Variants in SMIM10L3 observed in about 807,000 individuals in gnomAD.
SMIM10L3 encodes the protein salivary gland specific protein SAGSIN1.
chr7:6,333,958 T>G, the SMIM10L3 span, among the ~76,000 whole-genome samples: 1 of 149,472 alleles, frequency 6.7e-6, no homozygotes, highest in Non-Finnish European at 1.5e-5. Context: ...GCCATTCTCC[T>G]GCCTCAGCCT....
At chr7:6,346,745 T>C in the SMIM10L3 span, among the ~76,000 whole-genome samples, 2 of 152,168 alleles carry the variant, frequency 1.3e-5, no homozygotes, top group Middle Eastern at 3.2e-3. Flanking sequence ...CCATCACCTG[T>C]GTCAGGCACC....
the SMIM10L3 span, among the ~76,000 whole-genome samples, chr7:6,346,873 G>A: frequency 2.0e-4 from 31 of 152,280 alleles, no homozygotes; most frequent in African/African-American, 6.7e-4. Flanking sequence ...CATTCTGCAC[G>A]CCAGGGAGCA....
the SMIM10L3 span, among the ~76,000 whole-genome samples, chr7:6,337,938 G>A: frequency 6.6e-6 from 1 of 151,522 alleles, no homozygotes; most frequent in Non-Finnish European, 1.5e-5. Flanking sequence ...CAAGTAGCTG[G>A]TACTACAGGC....
At chr7:6,338,666 C>G in the SMIM10L3 span, 1 of 152,350 alleles carries the variant, frequency 6.6e-6, no homozygotes, top group Non-Finnish European at 1.5e-5. Context: ...TCGCAGATCC[C>G]TGCCCAGCTG....
At chr7:6,348,595 A>T in the SMIM10L3 span, 1 of 451,626 alleles carries the variant, frequency 2.2e-6, no homozygotes. Context: ...GTTGAGCATC[A>T]TGGAAGCCAC....
the SMIM10L3 span, chr7:6,348,739 C>A: frequency 2.4e-6 from 1 of 411,244 alleles, no homozygotes; most frequent in Non-Finnish European, 4.3e-6. Context: ...GACAGCCAGG[C>A]CCGACAGAGC....
the SMIM10L3 span, among the ~76,000 whole-genome samples, chr7:6,347,382 G>A: frequency 6.6e-5 from 10 of 152,146 alleles, no homozygotes; most frequent in African/African-American, 1.4e-4. Context: ...CTGGCGTGGT[G>A]GCGGGCACCT....
At chr7:6,346,898 C>G in the SMIM10L3 span, among the ~76,000 whole-genome samples, 1 of 152,144 alleles carries the variant, frequency 6.6e-6, no homozygotes, top group African/African-American at 2.4e-5. Context: ...AAGGACCGTC[C>G]AACTGTAAAC....
the SMIM10L3 span, among the ~76,000 whole-genome samples, chr7:6,339,959 A>G: frequency 6.6e-6 from 1 of 151,840 alleles, no homozygotes; most frequent in Non-Finnish European, 1.5e-5. Flanking sequence ...ATCTCAGCTC[A>G]CTGCAACCTC....
At chr7:6,343,770 T>G in the SMIM10L3 span, among the ~76,000 whole-genome samples, 1 of 152,092 alleles carries the variant, frequency 6.6e-6, no homozygotes, top group South Asian at 2.1e-4. Flanking sequence ...TTAAAATGCC[T>G]CACTGCCCTA....
chr7:6,345,819 A>C, the SMIM10L3 span, among the ~76,000 whole-genome samples: 25 of 151,934 alleles, frequency 1.6e-4, no homozygotes, highest in African/African-American at 5.8e-4. Context: ...CCCAGGCTGG[A>C]GTGCAGTAGG....
chr7:6,336,470 C>T, the SMIM10L3 span, among the ~76,000 whole-genome samples: 1 of 152,116 alleles, frequency 6.6e-6, no homozygotes, highest in Admixed American at 6.6e-5. Context: ...CTCTTGAGGT[C>T]AGGAGTTTGA....
chr7:6,348,787 C>G, the SMIM10L3 span: 104 of 397,362 alleles, frequency 2.6e-4, 3 homozygotes, highest in South Asian at 0.011. Flanking sequence ...ACAGCCCCCC[C>G]GCCCGCCCTC....
chr7:6,330,888 T>C, the SMIM10L3 span: 5 of 1,614,212 alleles, frequency 3.1e-6, no homozygotes, highest in Non-Finnish European at 3.4e-6. Context: ...TTCTTCTTAC[T>C]GATTCTCTCA....
At chr7:6,333,772 CTTTTT>C in the SMIM10L3 span, among the ~76,000 whole-genome samples, 1 of 125,076 alleles carries the variant, frequency 8.0e-6, no homozygotes, top group Non-Finnish European at 1.7e-5. Context: ...GAACAAGTGT[CTTTTT>C]TTTTTTTTTA....
At chr7:6,330,784 G>A in the SMIM10L3 span, 1 of 1,614,146 alleles carries the variant, frequency 6.2e-7, no homozygotes, top group East Asian at 2.2e-5. Flanking sequence ...CCGCCCCAGA[G>A]CTTCAACACC....
At chr7:6,343,013 G>T in the SMIM10L3 span, among the ~76,000 whole-genome samples, 4 of 146,702 alleles carry the variant, frequency 2.7e-5, no homozygotes, top group East Asian at 8.4e-4. Context: ...CTCCAGCCTG[G>T]ATGACAGAGG....
At chr7:6,330,027 A>G in the SMIM10L3 span, 2 of 257,034 alleles carry the variant, frequency 7.8e-6, no homozygotes, top group South Asian at 6.5e-5. Context: ...ACAAGTCAAA[A>G]GGACACACAG....
chr7:6,335,240 T>A, the SMIM10L3 span, among the ~76,000 whole-genome samples: 1 of 144,832 alleles, frequency 6.9e-6, no homozygotes, highest in Non-Finnish European at 1.5e-5. Context: ...TTTTTTTTTT[T>A]AAATGGAGTC....
Sources: gnomAD v4.1 joint callset for allele counts (sites outside exome capture counted in the v4.1 genomes callset) on GRCh38, gnomAD v4.1.1 for gene constraint, MANE v1.5 for transcripts, NCBI Gene and HGNC (gene_info 2026-07-23, HGNC 2026-07-21) for gene names.